CGGBP1: variants seen among roughly 807,000 people sequenced by gnomAD.
CGGBP1 encodes the protein CGG triplet repeat-binding protein 1.
A neutral mutation model predicts 11.4 loss-of-function variants in CGGBP1; 4 were observed. The ratio of observed to expected loss-of-function variants is 0.35; its 90% CI spans 0.17 to 0.80. The LOEUF is 0.80. Among genes scored for constraint, CGGBP1 ranks in the 30% least tolerant of loss-of-function variants. CGGBP1 has a pLI of 0.52. For missense variants in CGGBP1, 135 were observed against 202.1 expected, an observed-to-expected ratio of 0.67 and a Z score of 2.01; for synonymous variants, 76 against 74.1, an observed-to-expected ratio of 1.03 and a Z score of -0.13.
intron 2 of CGGBP1, among the ~76,000 whole-genome samples, chr3:88,087,242 T>C (rs1182135373): frequency 6.6e-6 from 1 of 151,886 alleles, no homozygotes; most frequent in Non-Finnish European, 1.5e-5. Context: ...CATGCCTGGA[T>C]AATTTTTGTA....
At chr3:88,128,984 A>G (rs1333362597) in intron 2 of CGGBP1, 1 of 1,534,240 alleles carries the variant, frequency 6.5e-7, no homozygotes, top group Non-Finnish European at 8.7e-7. Flanking sequence ...TGTTTATGTC[A>G]CCTGTAGAAG....
chr3:88,138,702 C>T, intron 2 of CGGBP1: 1 of 1,231,022 alleles, frequency 8.1e-7, no homozygotes, highest in Non-Finnish European at 1.0e-6. Context: ...TTTCTTTTTA[C>T]AGGTTGAAGA....
intron 2 of CGGBP1, among the ~76,000 whole-genome samples, chr3:88,123,690 C>T (rs192646708): frequency 6.6e-6 from 1 of 152,258 alleles, no homozygotes; most frequent in Admixed American, 6.5e-5. Flanking sequence ...AGTTCTAAGT[C>T]CCATAGTACT....
Position 88,058,233 on chromosome 3 carries a change from A to C in CGGBP1, c.-330-10T>G, listed in dbSNP as rs1706617707. 1 of 152,280 alleles carries C rather than the reference A, an allele frequency of 6.6e-6. No individual in the cohort carries two copies. The highest frequency in any genetic ancestry group is 1.9e-4 in the East Asian group (1 of 5,190). 9.4% of individuals were successfully genotyped at this position (152,280 alleles called of 1,614,324 possible). ...GGAAGTCATGCCTTTACTGTAAAAC[A>C]CGAAAAACAAATGGAAGGAAAAAAT... is the stretch of plus-strand genomic sequence containing the variant. On this transcript the variant is annotated splice_polypyrimidine_tract_variant and intron_variant, in intron 1 of 3. Transcript: ENST00000482016.
At chr3:88,059,075 CAG>C, upstream of CGGBP1, 1 of 729,258 alleles carries the variant, frequency 1.4e-6, no homozygotes, top group East Asian at 3.1e-5. Context: ...GTTTATCAAA[CAG>C]ACTGTCGATT....
At chr3:88,099,571 A>G (rs1204571026) in intron 2 of CGGBP1, among the ~76,000 whole-genome samples, 3 of 152,132 alleles carry the variant, frequency 2.0e-5, no homozygotes, top group Non-Finnish European at 4.4e-5. Flanking sequence ...CCTACTTCAA[A>G]CTATACTACA....
At chr3:88,130,148 CAA>C (rs1198084436) in intron 2 of CGGBP1, among the ~76,000 whole-genome samples, 1 of 152,080 alleles carries the variant, frequency 6.6e-6, no homozygotes, top group East Asian at 1.9e-4. Context: ...GTTTACCTAG[CAA>C]TCATGTAATT....
chr3:88,141,550 T>C, intron 1 of CGGBP1: 4 of 925,398 alleles, frequency 4.3e-6, no homozygotes, highest in Non-Finnish European at 4.7e-6. Flanking sequence ...CAATATCCTT[T>C]AAAATGACAG....
chr3:88,142,696 A>G (rs1707190956), intron 1 of CGGBP1: 1 of 152,348 alleles, frequency 6.6e-6, no homozygotes, highest in Non-Finnish European at 1.5e-5. Context: ...AGGAGAGGTA[A>G]TTCCAAAATA....
Position 88,129,544 on chromosome 3 carries a change from A to C in CGGBP1, c.-229+11426T>G, listed in dbSNP as rs1251420215. On this transcript the variant is annotated intron_variant, in intron 2 of 3. Coordinates refer to the CGGBP1 transcript ENST00000462901. ...TACAGTGAAACTATGAAACCATGAA[A>C]ATATTTCTGTACAAGTCATCATTGT... 9 of 655,010 alleles carry C rather than the reference A, an allele frequency of 1.4e-5. No individual in the cohort carries two copies. In the Admixed American group the frequency reaches 1.5e-4, roughly 11 times the overall value. The allele number at this position is 655,010 out of a possible 1,614,324, so 40.6% of individuals were successfully genotyped here. A position where few individuals can be genotyped will look rare whatever the true frequency, so the allele number is the denominator to read the frequency against.
intron 2 of CGGBP1, among the ~76,000 whole-genome samples, chr3:88,099,460 G>C (rs1201232520): frequency 6.6e-6 from 1 of 152,158 alleles, no homozygotes; most frequent in Non-Finnish European, 1.5e-5. Flanking sequence ...TTTCTTCACA[G>C]AATTGGAAAA....
intron 1 of CGGBP1, chr3:88,141,117 G>GT (rs1707103114): frequency 6.7e-7 from 1 of 1,497,564 alleles, no homozygotes; most frequent in African/African-American, 1.4e-5. Flanking sequence ...AACTATTATA[G>GT]ATCTTTGAGA....
chr3:88,059,375 C>T, upstream of CGGBP1: 1 of 1,535,358 alleles, frequency 6.5e-7, no homozygotes, highest in South Asian at 1.2e-5. Context: ...GAGCTTGTGG[C>T]CATTGTGGAG....
chr3:88,060,052 G>C (rs373433058), upstream of CGGBP1, among the ~76,000 whole-genome samples: 2 of 152,054 alleles, frequency 1.3e-5, no homozygotes, highest in South Asian at 2.1e-4. Context: ...AGTTGGCGTA[G>C]ACGCTGACCC....
In CGGBP1 at chr3:88,080,543, G is replaced by T. The variant is rs138931362; in HGVS notation, c.-228-22320C>A. Among the ~76,000 whole-genome samples the T allele has an allele frequency of 8.2e-3, 1,251 of 152,096 alleles. 9 individuals are homozygous for T. Among genetic ancestry groups the T allele is most frequent in the African/African-American group, 0.029 (1,211 of 41,494 alleles). ...TTTAGAATAGAAGTTTAATGATTTTGCTAAGGTTACCAGCTAATAAGTGAC... is the reference window on the plus strand; with the variant it reads ...TTTAGAATAGAAGTTTAATGATTTTTCTAAGGTTACCAGCTAATAAGTGAC... On this transcript the variant is annotated intron_variant, in intron 2 of 3. Coordinates refer to the CGGBP1 transcript ENST00000462901.
chr3:88,141,954 C>T, intron 1 of CGGBP1: 1 of 250,708 alleles, frequency 4.0e-6, no homozygotes, highest in East Asian at 7.4e-5. Context: ...GTTTAGGCAA[C>T]TAGTCAGAAA....
intron 1 of CGGBP1, among the ~76,000 whole-genome samples, chr3:88,147,302 G>T (rs1407865050): frequency 6.6e-6 from 1 of 152,138 alleles, no homozygotes; most frequent in Non-Finnish European, 1.5e-5. Flanking sequence ...AAGATGATGA[G>T]GTAAGGCCTC....
At chr3:88,061,189 A>G (rs1353837490), upstream of CGGBP1, among the ~76,000 whole-genome samples, 2 of 152,124 alleles carry the variant, frequency 1.3e-5, no homozygotes, top group African/African-American at 2.4e-5. Context: ...TTAGGATACA[A>G]TTTATATTTT....
chr3:88,137,054 G>C (rs138689453), intron 2 of CGGBP1, among the ~76,000 whole-genome samples: 1 of 151,984 alleles, frequency 6.6e-6, no homozygotes, highest in East Asian at 1.9e-4. Flanking sequence ...AATTAGCCAA[G>C]TGTGGTGGCT....
Sources: allele counts gnomAD v4.1 joint callset (sites outside exome capture counted in the v4.1 genomes callset), GRCh38; gene constraint gnomAD v4.1.1; transcripts MANE v1.5; gene names NCBI Gene and HGNC (gene_info 2026-07-23, HGNC 2026-07-21).